SOAT1: variants seen among roughly 807,000 people sequenced by gnomAD.
SOAT1 encodes sterol O-acyltransferase 1, also known as acyl-coenzyme A:cholesterol acyltransferase 1.
Under a neutral mutation model 69.5 loss-of-function variants are expected in SOAT1, and 55 were observed. The ratio of observed to expected loss-of-function variants is 0.79; its 90% CI spans 0.64 to 0.99. SOAT1 has a LOEUF of 0.99. Among genes scored for constraint, SOAT1 ranks in the 50% least tolerant of loss-of-function variants. The pLI, the probability that SOAT1 is intolerant of heterozygous loss-of-function variation, is 0.00. For synonymous variants in SOAT1, 231 were observed against 224.7 expected, an observed-to-expected ratio of 1.03 and a Z score of -0.25; for missense variants, 580 against 669.3, an observed-to-expected ratio of 0.87 and a Z score of 1.47.
intron 4 of SOAT1, 44 bp from the exon 5 acceptor site, chr1:179,337,793 T>C: frequency 1.5e-6 from 2 of 1,359,638 alleles, no homozygotes; most frequent in Non-Finnish European, 2.1e-6. Flanking sequence ...TTTCTTATAA[T>C]ACTTGAAGTA....
At chr1:179,320,171 A>C (rs1558044363) in intron 2 of SOAT1, among the ~76,000 whole-genome samples, 1 of 151,922 alleles carries the variant, frequency 6.6e-6, no homozygotes, top group Admixed American at 6.6e-5. Context: ...TTTCTTCTAT[A>C]TTTTTAGGTA....
In SOAT1 at chr1:179,355,042, C is replaced by T. The variant is rs1294369267; in HGVS notation, c.*1401C>T. The T allele has an allele frequency of 6.6e-6, 1 of 152,168 alleles. No homozygotes were observed. Among genetic ancestry groups the T allele is most frequent in the African/African-American group, 2.4e-5 (1 of 41,434 alleles). The allele number at this position is 152,168 out of a possible 1,614,324, so 9.4% of individuals were successfully genotyped here. On this transcript the variant is annotated 3_prime_UTR_variant, in exon 16 of 16. Coordinates refer to ENST00000367619, the MANE Select transcript of SOAT1 (RefSeq NM_003101.6). ...CTTAATAGTCACAACTTAATTTGAA[C>T]CACAAGTATCCAGCTTAATCACGTA...
chr1:179,350,156 T>C (rs1253567710), intron 13 of SOAT1, 140 bp from the exon 14 acceptor site: 5 of 615,188 alleles, frequency 8.1e-6, no homozygotes, highest in Non-Finnish European at 2.8e-6. Flanking sequence ...TTAATAGACT[T>C]GGATTAATCC....
chr1:179,344,262 C>G (rs1666442999), intron 10 of SOAT1, among the ~76,000 whole-genome samples: 2 of 151,854 alleles, frequency 1.3e-5, no homozygotes, highest in East Asian at 3.9e-4. Context: ...CTCCTCCCAC[C>G]TCCATCAGAA....
At chr1:179,326,591 T>C (rs1377942962) in intron 3 of SOAT1, among the ~76,000 whole-genome samples, 1 of 147,456 alleles carries the variant, frequency 6.8e-6, no homozygotes, top group African/African-American at 2.5e-5. Context: ...AGAGTTTCAC[T>C]GTGTCGCCCA....
At chr1:179,319,489 C>T (rs148846636) in intron 2 of SOAT1, among the ~76,000 whole-genome samples, 8 of 152,196 alleles carry the variant, frequency 5.3e-5, no homozygotes, top group South Asian at 4.1e-4. Flanking sequence ...AGGCTGGTCT[C>T]GAACTGCCGA....
intron 6 of SOAT1, among the ~76,000 whole-genome samples, chr1:179,339,989 T>C (rs536526876): frequency 7.0e-4 from 107 of 152,324 alleles, no homozygotes; most frequent in Non-Finnish European, 1.3e-3. Flanking sequence ...ATTTTTCATA[T>C]CTGTGGGTTC....
At chr1:179,295,454 T>C (rs967548425) in intron 1 of SOAT1, among the ~76,000 whole-genome samples, 1 of 152,226 alleles carries the variant, frequency 6.6e-6, no homozygotes, top group Non-Finnish European at 1.5e-5. Context: ...TTTCCTCTGC[T>C]AGTGCATTTC....
chr1:179,316,573 T>C (rs1465234504), intron 2 of SOAT1, among the ~76,000 whole-genome samples: 3 of 152,072 alleles, frequency 2.0e-5, no homozygotes, highest in Non-Finnish European at 4.4e-5. Flanking sequence ...TTTTGTATTT[T>C]TAGTAGACAG....
chr1:179,341,536 C>CTT (rs774077684), intron 7 of SOAT1, among the ~76,000 whole-genome samples: 30,477 of 138,806 alleles, frequency 0.22, 4,190 homozygotes, highest in East Asian at 0.36. Context: ...TTACGTTGAA[C>CTT]TTTTTTTTTT....
intron 3 of SOAT1, among the ~76,000 whole-genome samples, chr1:179,329,501 G>A (rs1007735867): frequency 7.2e-5 from 11 of 151,956 alleles, no homozygotes; most frequent in Non-Finnish European, 1.0e-4. Flanking sequence ...TGAGGCTGGC[G>A]GATCACATGA....
intron 10 of SOAT1, among the ~76,000 whole-genome samples, chr1:179,344,222 A>G (rs947622734): frequency 2.0e-5 from 3 of 152,044 alleles, no homozygotes; most frequent in African/African-American, 4.8e-5. Flanking sequence ...GTATATATGT[A>G]TGTGGGTATA....
intron 11 of SOAT1, among the ~76,000 whole-genome samples, chr1:179,345,802 A>G (rs987408424): frequency 6.6e-6 from 1 of 152,092 alleles, no homozygotes; most frequent in Non-Finnish European, 1.5e-5. Flanking sequence ...CTCCTGTCTC[A>G]GCCTCTCAAA....
chr1:179,294,851 A>G (rs1664578843), intron 1 of SOAT1, among the ~76,000 whole-genome samples: 1 of 152,022 alleles, frequency 6.6e-6, no homozygotes, highest in South Asian at 2.1e-4. Flanking sequence ...ACTTTTTAAT[A>G]TTTAAGTGGC....
At chr1:179,330,897 C>T (rs1169699488) in intron 3 of SOAT1, among the ~76,000 whole-genome samples, 1 of 152,196 alleles carries the variant, frequency 6.6e-6, no homozygotes, top group Non-Finnish European at 1.5e-5. Flanking sequence ...TCATTTCCAC[C>T]TGTATCTCAT....
chr1:179,304,280 C>CTT (rs369740783), intron 2 of SOAT1, among the ~76,000 whole-genome samples: 14 of 137,876 alleles, frequency 1.0e-4, no homozygotes, highest in East Asian at 2.1e-4. Flanking sequence ...TCTTTCTCTC[C>CTT]TTTTTTTTTT....
At chr1:179,308,870 A>G (rs7523431) in intron 2 of SOAT1, among the ~76,000 whole-genome samples, 41,667 of 151,796 alleles carry the variant, frequency 0.27, 6,076 homozygotes, top group African/African-American at 0.37. Context: ...TGTTTCTTCT[A>G]TACTTTGTAA....
intron 11 of SOAT1, among the ~76,000 whole-genome samples, chr1:179,345,909 A>G (rs1213445037): frequency 7.9e-6 from 1 of 126,088 alleles, no homozygotes; most frequent in Non-Finnish European, 1.8e-5. Context: ...TTTCTTAAAT[A>G]TATTTATTGC....
intron 12 of SOAT1, 136 bp downstream of exon 12, chr1:179,347,833 C>T: frequency 3.5e-6 from 2 of 576,608 alleles, no homozygotes; most frequent in Admixed American, 3.5e-5. Flanking sequence ...ACAAGTTTTG[C>T]CAGTATTTTC....
Sources: gnomAD v4.1 joint callset for allele counts (sites outside exome capture counted in the v4.1 genomes callset) on GRCh38, gnomAD v4.1.1 for gene constraint, MANE v1.5 for transcripts, NCBI Gene and HGNC (gene_info 2026-07-23, HGNC 2026-07-21) for gene names.